Variants in IARS2 observed in about 807,000 individuals in gnomAD.
IARS2 encodes the protein isoleucyl-tRNA synthetase 2, mitochondrial, also known as isoleucine--tRNA ligase, mitochondrial.
A neutral mutation model predicts 126.3 loss-of-function variants in IARS2; 56 were observed. The observed-to-expected ratio is 0.44, with a 90% CI of 0.36 to 0.55. The LOEUF is 0.55. Ranked by LOEUF, IARS2 falls within the 20% of genes least tolerant of loss-of-function variation. IARS2 has a pLI of 0.00. For synonymous variants in IARS2, 407 were observed against 441.1 expected (o/e 0.92, Z 0.97); for missense variants, 1,127 against 1,245.9 (o/e 0.90, Z 1.44).
intron 15 of IARS2, chr1:220,134,774 T>G (rs1054597005): frequency 4.5e-6 from 1 of 222,482 alleles, no homozygotes. Flanking sequence ...TGTTGTTTTT[T>G]TTTTTTTTTT....
chr1:220,118,138 A>C (rs995676840), intron 12 of IARS2: 2 of 484,738 alleles, frequency 4.1e-6, no homozygotes, highest in African/African-American at 4.0e-5. Context: ...TCTTTATTAT[A>C]CCTTTATATT....
Position 220,134,444 on chromosome 1 carries a change from A to T in IARS2, c.1880A>T (p.Gln627Leu). 6.2e-7 allele frequency: 1 copy of T among 1,613,432 alleles called. No homozygotes were observed. Among genetic ancestry groups the T allele is most frequent in the East Asian group, 2.2e-5 (1 of 44,838 alleles). ...RADLYLEGKDQLGGWFQSSLL... is the reference protein window; with the variant it reads ...RADLYLEGKDLLGGWFQSSLL... ...GATTTGTACTTGGAAGGAAAAGACC[A>T]GCTCGGGGGTTGGTTTCAGTCATCC... The change falls in exon 15 of 23, where the codon CAG (glutamine) becomes CTG (leucine). Residue 627 changes from glutamine to leucine, a missense_variant. By Grantham distance (113) the Gln-to-Leu change is moderately radical. Transcript: ENST00000366922.
rs1558134161 is a variant in IARS2 at position 220,147,530 on chromosome 1, T to C, written c.2934T>C (p.Ile978=). Residue 978 remains isoleucine (I), a synonymous_variant, in exon 23 of 23, where the codon ATT becomes ATC. Coordinates refer to ENST00000366922, the MANE Select transcript of IARS2 (RefSeq NM_018060.4). ...GTGAAGAGTCTTCCTATAAAGTAAT[T>C]GTCATGCCGACTACGAAAGAAAAAT... is the stretch of plus-strand genomic sequence containing the variant. The part of the protein sequence containing the change: ...DIREESSYKV[I]VMPTTKEKCP... 9.9e-6 allele frequency: 16 copies of C among 1,614,002 alleles called. No individual in the cohort carries two copies. The highest frequency in any genetic ancestry group is 1.0e-5 in the Non-Finnish European group (12 of 1,179,988).
chr1:220,099,190 C>T (rs556776447), intron 2 of IARS2, among the ~76,000 whole-genome samples: 258 of 135,014 alleles, frequency 1.9e-3, no homozygotes, highest in African/African-American at 6.9e-3. Flanking sequence ...CCAGCTTGGG[C>T]GACAGAGCGA....
intron 18 of IARS2, among the ~76,000 whole-genome samples, chr1:220,139,505 C>T (rs896393146): frequency 6.6e-6 from 1 of 152,146 alleles, no homozygotes; most frequent in Non-Finnish European, 1.5e-5. Context: ...AATCCTACTA[C>T]TTTGGGAGGC....
At chr1:220,117,551 G>A (rs900294901) in intron 12 of IARS2, among the ~76,000 whole-genome samples, 1 of 152,016 alleles carries the variant, frequency 6.6e-6, no homozygotes, top group African/African-American at 2.4e-5. Flanking sequence ...TTTCACTGAA[G>A]TGATTGAGGT....
At chr1:220,105,499 G>C (rs542347125) in intron 8 of IARS2, among the ~76,000 whole-genome samples, 1 of 152,290 alleles carries the variant, frequency 6.6e-6, no homozygotes, top group African/African-American at 2.4e-5. Context: ...TATTAAAGTA[G>C]TAGGAATGTT....
chr1:220,133,763 A>G (rs1430151906), intron 14 of IARS2, among the ~76,000 whole-genome samples: 2 of 152,176 alleles, frequency 1.3e-5, no homozygotes, highest in Admixed American at 6.5e-5. Context: ...CAGTTGCTTT[A>G]TATATCCTAT....
In IARS2 at chr1:220,102,282, A is replaced by C. The variant is rs1656594087; in HGVS notation, c.699+5A>C. The C allele has an allele frequency of 6.2e-7, 1 of 1,604,712 alleles. No homozygotes were observed. Among genetic ancestry groups the C allele is most frequent in the African/African-American group, 1.3e-5 (1 of 74,088 alleles). ...TTTTACCAAATGTATGATAAGGTAA[A>C]GAAGTATTTTTTCTCTTTGAGTAGG... On this transcript the variant is annotated splice_donor_5th_base_variant and intron_variant, in intron 4 of 22. Transcript: ENST00000366922.
chr1:220,106,314 T>C (rs879461934), intron 9 of IARS2, among the ~76,000 whole-genome samples: 3 of 152,208 alleles, frequency 2.0e-5, no homozygotes, highest in Non-Finnish European at 4.4e-5. Flanking sequence ...TTTTTTCTAG[T>C]ATCAAGTCAC....
intron 18 of IARS2, 134 bp from the exon 19 acceptor site, chr1:220,140,049 A>C (rs1657454333): frequency 1.5e-6 from 1 of 656,804 alleles, no homozygotes; most frequent in Non-Finnish European, 2.7e-6. Flanking sequence ...GATTCCCAGG[A>C]GTTCTTGCAT....
chr1:220,144,440 G>A, intron 21 of IARS2: 2 of 508,446 alleles, frequency 3.9e-6, no homozygotes, highest in South Asian at 2.7e-5. Context: ...TATTTTGTAT[G>A]GTAAGCTCAA....
intron 12 of IARS2, among the ~76,000 whole-genome samples, chr1:220,119,795 CAGCTT>C (rs946286673): frequency 3.9e-5 from 6 of 152,026 alleles, no homozygotes; most frequent in Non-Finnish European, 5.9e-5. Context: ...TTAAAAATGT[CAGCTT>C]AGCTCTTAAT....
chr1:220,143,086 C>T lies in IARS2; in HGVS notation c.2703C>T (p.Tyr901=). The T allele has an allele frequency of 1.2e-6, 2 of 1,614,048 alleles. No individual in the cohort carries two copies. Among genetic ancestry groups the T allele is most frequent in the Non-Finnish European group, 1.7e-6 (2 of 1,179,976 alleles). The stretch of plus-strand genomic sequence containing the variant: ...TCCCTGGCAAAAATGCAGCTGAGTA[C>T]AAGGTTATCACTGTGATAGAACCTG... The part of the protein sequence containing the change: ...GSIPGKNAAE[Y]KVITVIEPGL... Residue 901 remains tyrosine, a synonymous_variant, in exon 21 of 23, where the codon TAC becomes TAT. Coordinates refer to ENST00000366922, the MANE Select transcript of IARS2 (RefSeq NM_018060.4).
chr1:220,114,780 A>C (rs1656881178), intron 12 of IARS2, among the ~76,000 whole-genome samples: 2 of 152,280 alleles, frequency 1.3e-5, no homozygotes, highest in South Asian at 4.1e-4. Flanking sequence ...GGAGCCTGAA[A>C]TGTATTTTTT....
chr1:220,135,876 A>G (rs562919617), intron 15 of IARS2, among the ~76,000 whole-genome samples: 22 of 124,032 alleles, frequency 1.8e-4, no homozygotes, highest in African/African-American at 6.0e-4. Context: ...AAGAGGTTTT[A>G]TAACATTTCC....
intron 15 of IARS2, among the ~76,000 whole-genome samples, chr1:220,135,812 A>ATTTTTT (rs1282331832): frequency 7.9e-6 from 1 of 126,128 alleles, no homozygotes; most frequent in Admixed American, 8.1e-5. Flanking sequence ...TTCATTTAAA[A>ATTTTTT]TTTTTTTTTT....
At chr1:220,138,635 C>T (rs945936211) in intron 17 of IARS2, among the ~76,000 whole-genome samples, 1 of 151,756 alleles carries the variant, frequency 6.6e-6, no homozygotes, top group Admixed American at 6.6e-5. Context: ...TTTATGTACT[C>T]AATAACCTTT....
chr1:220,099,385 G>A (rs1656518929), intron 2 of IARS2, among the ~76,000 whole-genome samples: 1 of 151,930 alleles, frequency 6.6e-6, no homozygotes, highest in Non-Finnish European at 1.5e-5. Context: ...ACATACAGTC[G>A]ATGTAAAACA....
Sources: gnomAD v4.1 joint callset for allele counts (sites outside exome capture counted in the v4.1 genomes callset) on GRCh38, gnomAD v4.1.1 for gene constraint, MANE v1.5 for transcripts, NCBI Gene and HGNC (gene_info 2026-07-23, HGNC 2026-07-21) for gene names.